VTA1: variants seen among roughly 807,000 people sequenced by gnomAD.
The protein encoded by VTA1 is vacuolar protein sorting-associated protein VTA1 homolog.
In VTA1, 24 loss-of-function variants were observed where a neutral mutation model predicts 36.9. The observed-to-expected ratio is 0.65, with a 90% CI of 0.47 to 0.91. VTA1 has a LOEUF of 0.91. Among genes scored for constraint, VTA1 ranks in the 40% least tolerant of loss-of-function variants. The probability of loss-of-function intolerance (pLI) is 0.00; values close to 1 mark genes in which losing one functional copy is unlikely to be tolerated. For missense variants in VTA1, 393 were observed against 377.2 expected (o/e 1.04, Z -0.35); for synonymous variants, 142 against 130.2 (o/e 1.09, Z -0.62).
intron 5 of VTA1, among the ~76,000 whole-genome samples, chr6:142,196,861 A>G (rs1438595766): frequency 2.0e-5 from 3 of 152,068 alleles, no homozygotes; most frequent in Admixed American, 2.0e-4. Context: ...CAGACCATTG[A>G]CTTGCCAGAA....
chr6:142,214,627 TA>T (rs1308665768), intron 7 of VTA1, among the ~76,000 whole-genome samples: 9 of 152,228 alleles, frequency 5.9e-5, no homozygotes, highest in Admixed American at 5.9e-4. Context: ...TATGTCATTA[TA>T]AATTTGTCCA....
chr6:142,174,059 G>C (rs1775073209), intron 4 of VTA1, among the ~76,000 whole-genome samples: 2 of 152,168 alleles, frequency 1.3e-5, no homozygotes, highest in South Asian at 4.1e-4. Flanking sequence ...TCTGGAATGG[G>C]ATCCCACACA....
intron 1 of VTA1, among the ~76,000 whole-genome samples, chr6:142,157,297 G>A (rs1321826499): frequency 6.6e-6 from 1 of 152,186 alleles, no homozygotes; most frequent in Non-Finnish European, 1.5e-5. Flanking sequence ...AGTCTTTGCT[G>A]GTTCCTGAAT....
intron 4 of VTA1, among the ~76,000 whole-genome samples, chr6:142,182,410 C>A (rs574059331): frequency 1.3e-5 from 2 of 152,172 alleles, no homozygotes; most frequent in African/African-American, 4.8e-5. Context: ...AAGTATTGTT[C>A]CCTTCTGTAA....
rs538159126 is a variant in VTA1 at position 142,187,946 on chromosome 6, C to T, written c.412-1480C>T. Among the ~76,000 whole-genome samples, 5 of 139,446 alleles carry T rather than the reference C, an allele frequency of 3.6e-5. No homozygotes were observed. The East Asian group carries it at 1.0e-3, about 28-fold the overall frequency. The allele number at this position is 139,446 out of a possible 152,430, so 91.5% of individuals were successfully genotyped here. ...TTTTTTTTTTGGCCGGGAGGAGGTC[C>T]GGAGCTGGGCTGGTGCAGTGGCGCA... On this transcript the variant is annotated intron_variant, in intron 4 of 7. Transcript: ENST00000367630.
chr6:142,176,805 C>G (rs1775134957), intron 4 of VTA1, among the ~76,000 whole-genome samples: 1 of 152,120 alleles, frequency 6.6e-6, no homozygotes, highest in African/African-American at 2.4e-5. Context: ...TGCAGACCAG[C>G]AGTGTTTCTG....
chr6:142,205,782 G>A (rs1775780129), intron 7 of VTA1, among the ~76,000 whole-genome samples: 1 of 151,892 alleles, frequency 6.6e-6, no homozygotes, highest in Non-Finnish European at 1.5e-5. Context: ...TAGATAAGAT[G>A]CCCTAGAATC....
chr6:142,179,734 T>TTG (rs1189156352), intron 4 of VTA1, among the ~76,000 whole-genome samples: 5 of 152,172 alleles, frequency 3.3e-5, no homozygotes, highest in Admixed American at 2.0e-4. Flanking sequence ...CAATATTAAA[T>TTG]TGTGCACTGA....
At chr6:142,200,359 A>C (rs1367325053) in intron 6 of VTA1, among the ~76,000 whole-genome samples, 2 of 152,020 alleles carry the variant, frequency 1.3e-5, no homozygotes, top group Non-Finnish European at 2.9e-5. Context: ...ATGGCAAGTT[A>C]ATGAACACTT....
chr6:142,157,158 G>A (rs772269832), intron 1 of VTA1, among the ~76,000 whole-genome samples: 6 of 152,204 alleles, frequency 3.9e-5, no homozygotes, highest in East Asian at 3.9e-4. Context: ...GCGAGACTCC[G>A]TCTCAAAAAA....
chr6:142,161,082 C>CCT (rs1273477892), intron 1 of VTA1, among the ~76,000 whole-genome samples: 1 of 139,216 alleles, frequency 7.2e-6, no homozygotes, highest in Non-Finnish European at 1.5e-5. Context: ...CTTCCTTCCC[C>CCT]CCCCCCCCTT....
At chr6:142,186,846 G>T (rs1775350668) in intron 4 of VTA1, among the ~76,000 whole-genome samples, 1 of 152,042 alleles carries the variant, frequency 6.6e-6, no homozygotes, top group Non-Finnish European at 1.5e-5. Flanking sequence ...CTAGATGGCA[G>T]GATCATGATG....
chr6:142,174,834 G>A (rs1055605461), intron 4 of VTA1, among the ~76,000 whole-genome samples: 1 of 152,100 alleles, frequency 6.6e-6, no homozygotes, highest in Admixed American at 6.5e-5. Context: ...AGAGCCTGGC[G>A]TCTCTCTTGC....
chr6:142,210,116 A>G (rs1775873126), intron 7 of VTA1, among the ~76,000 whole-genome samples: 1 of 152,194 alleles, frequency 6.6e-6, no homozygotes, highest in African/African-American at 2.4e-5. Flanking sequence ...ACATTTATGC[A>G]TTTACAACCA....
At chr6:142,210,755 A>C (rs1775888182) in intron 7 of VTA1, among the ~76,000 whole-genome samples, 2 of 152,220 alleles carry the variant, frequency 1.3e-5, no homozygotes, top group African/African-American at 2.4e-5. Context: ...AACAGTGCAG[A>C]GGTTTCTCAA....
At position 142,218,610 on chromosome 6, in the gene VTA1, G is replaced by A. The variant is rs1776046659; in HGVS notation, c.891G>A (p.Lys297=). ...GCACTGCTGTCCAGAATCTACAAAAGGCTCTCAAGTTACTGACGACAGGCA... is the reference window on the plus strand; with the variant it reads ...GCACTGCTGTCCAGAATCTACAAAAAGCTCTCAAGTTACTGACGACAGGCA... ...DVSTAVQNLQ[K]ALKLLTTGRE The change falls in exon 8 of 8, where the codon AAG becomes AAA. Residue 297 remains lysine (K), a synonymous_variant. Transcript: ENST00000367630. The A allele has an allele frequency of 6.2e-7, 1 of 1,611,314 alleles. No homozygotes were observed. Among genetic ancestry groups the A allele is most frequent in the East Asian group, 2.2e-5 (1 of 44,814 alleles).
intron 1 of VTA1, among the ~76,000 whole-genome samples, chr6:142,160,331 C>T (rs1275838603): frequency 6.6e-6 from 1 of 152,070 alleles, no homozygotes; most frequent in Admixed American, 6.6e-5. Context: ...GCGTTCTAAC[C>T]CTGTGTGTGC....
intron 4 of VTA1, among the ~76,000 whole-genome samples, chr6:142,172,745 G>A (rs1775052062): frequency 3.9e-5 from 6 of 152,180 alleles, no homozygotes; most frequent in Admixed American, 3.9e-4. Context: ...ATGATGGAAA[G>A]CTTTGAGTGG....
intron 1 of VTA1, 110 bp from the exon 2 acceptor site, chr6:142,166,118 T>C (rs1582880768): frequency 7.1e-6 from 5 of 703,842 alleles, no homozygotes. Context: ...CAGTTTTATT[T>C]CTAAATTTAC....
Sources: allele counts gnomAD v4.1 joint callset (sites outside exome capture counted in the v4.1 genomes callset), GRCh38; gene constraint gnomAD v4.1.1; transcripts MANE v1.5; gene names NCBI Gene and HGNC (gene_info 2026-07-23, HGNC 2026-07-21).